GRIK2: variants seen among roughly 807,000 people sequenced by gnomAD.
The protein encoded by GRIK2 is glutamate ionotropic receptor kainate type subunit 2.
In GRIK2, 32 loss-of-function variants were observed where a neutral mutation model predicts 100.3. The observed-to-expected ratio is 0.32, with a 90% CI of 0.24 to 0.43. The LOEUF (loss-of-function observed/expected upper bound fraction) is 0.43. Ranked by LOEUF, GRIK2 falls within the 20% of genes least tolerant of loss-of-function variation. GRIK2 has a pLI of 1.00. For synonymous variants in GRIK2, 417 were observed against 389.4 expected, an observed-to-expected ratio of 1.07 and a Z score of -0.83; for missense variants, 843 against 1,114.9, an observed-to-expected ratio of 0.76 and a Z score of 3.47.
intron 12 of GRIK2, among the ~76,000 whole-genome samples, chr6:101,906,382 G>GTGTGTGTGTGTGTGTGTGTGTT (rs1344025728): frequency 6.6e-6 from 1 of 151,576 alleles, no homozygotes; most frequent in Non-Finnish European, 1.5e-5. Context: ...GTGTGTGTGT[G>GTGTGTGTGTGTGTGTGTGTGTT]TGTTTGTGTG....
chr6:101,639,713 G>T (rs1363544999), intron 4 of GRIK2, among the ~76,000 whole-genome samples: 1 of 151,982 alleles, frequency 6.6e-6, no homozygotes, highest in Non-Finnish European at 1.5e-5. Context: ...AGTATATATG[G>T]TATATTCAGA....
intron 7 of GRIK2, among the ~76,000 whole-genome samples, chr6:101,694,666 G>T (rs1219021812): frequency 4.0e-5 from 6 of 151,876 alleles, no homozygotes; most frequent in African/African-American, 4.8e-5. Context: ...AGGAAGAGTG[G>T]ATCTATTTTT....
At chr6:101,786,305 G>C (rs1270913418) in intron 7 of GRIK2, among the ~76,000 whole-genome samples, 1 of 151,566 alleles carries the variant, frequency 6.6e-6, no homozygotes, top group African/African-American at 2.4e-5. Context: ...TCTGTTGTCT[G>C]ATTGCTCTGA....
At chr6:101,922,853 G>T (rs1402775765) in intron 12 of GRIK2, among the ~76,000 whole-genome samples, 1 of 152,176 alleles carries the variant, frequency 6.6e-6, no homozygotes, top group African/African-American at 2.4e-5. Context: ...CTTGTATAAA[G>T]ACTGATGGCC....
intron 7 of GRIK2, among the ~76,000 whole-genome samples, chr6:101,757,705 T>A (rs1777225174): frequency 6.6e-6 from 1 of 152,174 alleles, no homozygotes; most frequent in Admixed American, 6.5e-5. Context: ...CTTTCATAAA[T>A]CCAGGCATGG....
At chr6:101,823,525 A>G (rs1477761475) in intron 10 of GRIK2, among the ~76,000 whole-genome samples, 1 of 152,056 alleles carries the variant, frequency 6.6e-6, no homozygotes. Flanking sequence ...TGTTGTTAAA[A>G]TTCTCTGTTT....
intron 2 of GRIK2, among the ~76,000 whole-genome samples, chr6:101,525,899 T>C (rs1339262792): frequency 2.6e-5 from 4 of 152,174 alleles, no homozygotes; most frequent in Non-Finnish European, 4.4e-5. Context: ...AAGGACTGTA[T>C]ACTGTGATGA....
In GRIK2 at chr6:102,043,511, C is replaced by T. The variant is rs553391773; in HGVS notation, c.2311+7945C>T. ...CATGTCAGTGAGAATATGTGATATC[C>T]GTCTTTTTGTGCCTGACTTCTTTCA... On this transcript the variant is annotated intron_variant, in intron 15 of 16. Coordinates refer to ENST00000369134, the MANE Select transcript of GRIK2 (RefSeq NM_021956.5). Among the ~76,000 whole-genome samples, 9 of 151,894 alleles carry T rather than the reference C, an allele frequency of 5.9e-5. No homozygotes were observed. In the South Asian group the frequency reaches 6.2e-4, roughly 10 times the overall value.
chr6:101,652,675 A>G (rs570590221), intron 4 of GRIK2, among the ~76,000 whole-genome samples: 31 of 152,346 alleles, frequency 2.0e-4, no homozygotes, highest in South Asian at 1.5e-3. Context: ...CTGGGAATAA[A>G]TCAGGAGAGA....
At chr6:102,000,354 G>A (rs1794874997) in intron 14 of GRIK2, among the ~76,000 whole-genome samples, 1 of 149,748 alleles carries the variant, frequency 6.7e-6, no homozygotes, top group Non-Finnish European at 1.5e-5. Flanking sequence ...CTGAAGTTTA[G>A]GGTAATGGTC....
At chr6:101,615,959 G>T (rs534372978) in intron 2 of GRIK2, among the ~76,000 whole-genome samples, 2 of 151,846 alleles carry the variant, frequency 1.3e-5, no homozygotes, top group African/African-American at 4.8e-5. Context: ...ATATGCCCCT[G>T]ATTTCCTGCC....
At chr6:101,807,592 G>T (rs917434686) in intron 9 of GRIK2, among the ~76,000 whole-genome samples, 5 of 151,868 alleles carry the variant, frequency 3.3e-5, no homozygotes, top group Non-Finnish European at 2.9e-5. Flanking sequence ...AAGACCTCAG[G>T]TGTGCTGTGA....
chr6:102,044,067 G>A (rs1286249314), intron 15 of GRIK2, among the ~76,000 whole-genome samples: 1 of 151,784 alleles, frequency 6.6e-6, no homozygotes, highest in Non-Finnish European at 1.5e-5. Context: ...TCATACAGAG[G>A]AATACCATTG....
chr6:101,972,991 C>T (rs762323128), intron 14 of GRIK2, among the ~76,000 whole-genome samples: 1 of 151,876 alleles, frequency 6.6e-6, no homozygotes, highest in Non-Finnish European at 1.5e-5. Context: ...ATGCCTCAAG[C>T]TTTGTTCTTT....
At chr6:101,405,374 G>GA (rs11288077) in intron 2 of GRIK2, among the ~76,000 whole-genome samples, 192 of 145,510 alleles carry the variant, frequency 1.3e-3, no homozygotes, top group Middle Eastern at 7.0e-3. Flanking sequence ...TTTCTCATTT[G>GA]AAAAAAAAAA....
chr6:101,450,987 T>C (rs1770644108), intron 2 of GRIK2, among the ~76,000 whole-genome samples: 1 of 151,678 alleles, frequency 6.6e-6, no homozygotes, highest in Admixed American at 6.6e-5. Flanking sequence ...AGCTTTCAGG[T>C]CTTTTGATTT....
In GRIK2 at chr6:101,748,710, G is replaced by A. The variant is rs762119704; in HGVS notation, c.952-50938G>A. On this transcript the variant is annotated intron_variant, in intron 7 of 16. Coordinates refer to ENST00000369134, the MANE Select transcript of GRIK2 (RefSeq NM_021956.5). ...GTTGAATAAGAAACTGAGACTATTC[G>A]CCAGGACAATTGTCTCCAGCAGTTT... 6.4e-4 allele frequency among the ~76,000 whole-genome samples: 98 copies of A among 152,014 alleles called. 1 individual carries two copies. The highest frequency in any genetic ancestry group is 3.5e-3 in the East Asian group (18 of 5,166).
chr6:101,840,746 C>T (rs1384864618), intron 10 of GRIK2, among the ~76,000 whole-genome samples: 1 of 152,034 alleles, frequency 6.6e-6, no homozygotes, highest in Non-Finnish European at 1.5e-5. Flanking sequence ...ATATTCTGAG[C>T]TCTCTTAGCT....
At position 101,786,474 on chromosome 6, in the gene GRIK2, A is replaced by G. The variant is rs145022653; in HGVS notation, c.952-13174A>G. ...TGTTATACTGAGGCATGTTCCTTTT[A>G]TGCTTAGTCTGTTGAGTTTATATTA... On this transcript the variant is annotated intron_variant, in intron 7 of 16. Coordinates refer to ENST00000369134, the MANE Select transcript of GRIK2 (RefSeq NM_021956.5). 5.6e-3 allele frequency among the ~76,000 whole-genome samples: 849 copies of G among 152,102 alleles called. 21 individuals carry two copies. The highest frequency in any genetic ancestry group is 0.042 in the East Asian group (217 of 5,178).
Sources: gnomAD v4.1 joint callset for allele counts (sites outside exome capture counted in the v4.1 genomes callset) on GRCh38, gnomAD v4.1.1 for gene constraint, MANE v1.5 for transcripts, NCBI Gene and HGNC (gene_info 2026-07-23, HGNC 2026-07-21) for gene names.